The following COPA variants were observed in gnomAD, a reference collection of about 807,000 sequenced individuals.
The protein encoded by COPA is coat protein complex I subunit alpha.
A neutral mutation model predicts 158.7 loss-of-function variants in COPA; 10 were observed. The observed-to-expected ratio is 0.06, with a 90% confidence interval of 0.04 to 0.11. The LOEUF is 0.11. Ranked by LOEUF, COPA falls within the 10% of genes least tolerant of loss-of-function variation. The pLI, the probability that COPA is intolerant of heterozygous loss-of-function variation, is 1.00. For synonymous variants in COPA, 462 were observed against 542.8 expected, an observed-to-expected ratio of 0.85 and a Z score of 2.07; for missense variants, 1,065 against 1,536.7, an observed-to-expected ratio of 0.69 and a Z score of 5.13.
intron 8 of COPA, 41 bp from the exon 9 acceptor site, chr1:160,314,166 A>C (rs1440084481): frequency 1.3e-6 from 2 of 1,581,952 alleles, no homozygotes; most frequent in Non-Finnish European, 8.6e-7. Flanking sequence ...ATTCCCTACT[A>C]CTATAACTTT....
At chr1:160,300,916 C>T (rs1658578493) in intron 17 of COPA, among the ~76,000 whole-genome samples, 1 of 152,092 alleles carries the variant, frequency 6.6e-6, no homozygotes, top group Non-Finnish European at 1.5e-5. Flanking sequence ...GTCAGGAGTT[C>T]AAGACCAACC....
chr1:160,323,799 T>C (rs1482898723), intron 7 of COPA, among the ~76,000 whole-genome samples: 9 of 152,250 alleles, frequency 5.9e-5, no homozygotes, highest in Non-Finnish European at 8.8e-5. Context: ...CTTTGTTTTT[T>C]ACTTGCCTAT....
intron 8 of COPA, among the ~76,000 whole-genome samples, chr1:160,316,090 T>C (rs1310983967): frequency 1.3e-5 from 2 of 152,214 alleles, no homozygotes; most frequent in Non-Finnish European, 2.9e-5. Context: ...CTGGGCATGG[T>C]GGCTCACACC....
Position 160,297,636 on chromosome 1 carries a change from C to G in COPA, c.2087G>C (p.Arg696Pro), listed in dbSNP as rs373887625. 1.2e-6 allele frequency: 2 copies of G among 1,614,126 alleles called. No homozygotes were observed. The highest frequency in any genetic ancestry group is 1.1e-5 in the South Asian group (1 of 91,074). Residue 696 changes from arginine (R) to proline (P), a missense_variant, in exon 20 of 33, where the codon CGT becomes CCT. Arg to Pro is a moderately radical substitution (Grantham distance 103). Coordinates refer to ENST00000241704, the MANE Select transcript of COPA (RefSeq NM_004371.4). ...GGAAAGTTTGTCAAAGTTTTTGGTA[C>G]GCTGATAGCACATTTCCACAATCTG... ...NHQIVEMCYQ[R>P]TKNFDKLSFL...
intron 17 of COPA, among the ~76,000 whole-genome samples, chr1:160,302,549 C>CTTTTTTT (rs35112618): frequency 1.1e-4 from 10 of 91,664 alleles, no homozygotes; most frequent in Non-Finnish European, 1.3e-4. Flanking sequence ...TCACAAGTTA[C>CTTTTTTT]TTTTTTTTTT....
intron 17 of COPA, 40 bp downstream of exon 17, chr1:160,305,393 G>C (rs1237772160): frequency 1.3e-6 from 2 of 1,587,438 alleles, no homozygotes; most frequent in African/African-American, 1.3e-5. Flanking sequence ...ATTTCAGGAA[G>C]CTGTCTTCTC....
intron 8 of COPA, among the ~76,000 whole-genome samples, chr1:160,321,707 G>T (rs1428858501): frequency 2.6e-5 from 4 of 152,156 alleles, no homozygotes; most frequent in African/African-American, 9.7e-5. Flanking sequence ...AGAATCACTT[G>T]AACCTGGGAG....
chr1:160,339,432 C>T (rs1223194931), intron 3 of COPA: 2 of 153,464 alleles, frequency 1.3e-5, no homozygotes, highest in African/African-American at 4.8e-5. Context: ...CTCCTGAGCG[C>T]CACAAACAGG....
At chr1:160,312,938 G>A (rs1436305283) in intron 10 of COPA, 147 bp downstream of exon 10, 1 of 677,654 alleles carries the variant, frequency 1.5e-6, no homozygotes, top group Non-Finnish European at 2.4e-6. Flanking sequence ...AAGAAAAAAA[G>A]GAGAAAAGCT....
intron 1 of COPA, 27 bp downstream of exon 1, chr1:160,343,104 C>T (rs1325196676): frequency 6.2e-7 from 1 of 1,614,000 alleles, no homozygotes; most frequent in East Asian, 2.2e-5. Context: ...ATCCAACCTC[C>T]ATGTTCCCCC....
intron 6 of COPA, among the ~76,000 whole-genome samples, chr1:160,326,420 G>A (rs754938865): frequency 6.6e-6 from 1 of 152,214 alleles, no homozygotes; most frequent in Non-Finnish European, 1.5e-5. Context: ...CCAGCTACTT[G>A]GGAGGCTGAG....
intron 12 of COPA, among the ~76,000 whole-genome samples, 197 bp downstream of exon 12, chr1:160,309,995 T>C (rs1658912552): frequency 6.6e-6 from 1 of 152,186 alleles, no homozygotes; most frequent in East Asian, 1.9e-4. Flanking sequence ...TTAGGAAAGA[T>C]AGGCAGTTCA....
chr1:160,329,048 C>T (rs1053344998), intron 6 of COPA, among the ~76,000 whole-genome samples: 3 of 152,182 alleles, frequency 2.0e-5, no homozygotes, highest in Non-Finnish European at 1.5e-5. Flanking sequence ...TTTAACAGAT[C>T]GGAAAGCTAA....
At chr1:160,311,346 G>T (rs1176856896) in intron 11 of COPA, among the ~76,000 whole-genome samples, 1 of 152,072 alleles carries the variant, frequency 6.6e-6, no homozygotes, top group African/African-American at 2.4e-5. Flanking sequence ...ACTGAGGCAG[G>T]AGAATTGCTT....
chr1:160,327,441 G>A (rs1283523653), intron 6 of COPA, among the ~76,000 whole-genome samples: 1 of 149,524 alleles, frequency 6.7e-6, no homozygotes, highest in Non-Finnish European at 1.5e-5. Flanking sequence ...GGAGGCTGAG[G>A]CAGGGGAATT....
At position 160,333,814 on chromosome 1, in the gene COPA, A is replaced by G. The variant is rs2101873270; in HGVS notation, c.310-135T>C. The G allele has an allele frequency of 2.7e-5, 16 of 603,376 alleles. No individual in the cohort carries two copies. In the South Asian group the frequency reaches 3.8e-4, roughly 14 times the overall value. The allele number at this position is 603,376 out of a possible 1,614,324, so 37.4% of individuals were successfully genotyped here. ...TAGCAAAGGGGCTGCTGCTTTTGCT[A>G]TCAGGTTAGCTGTCTCCTTTTCTCT... On this transcript the variant is annotated intron_variant, in intron 4 of 32. Transcript: ENST00000241704.
At chr1:160,291,680 A>AGG (rs1658237488) in intron 30 of COPA, 139 bp downstream of exon 30, 1 of 1,086,926 alleles carries the variant, frequency 9.2e-7, no homozygotes, top group East Asian at 2.4e-5. Context: ...GAAGAAATGT[A>AGG]TCCTCCCCTC....
intron 10 of COPA, among the ~76,000 whole-genome samples, chr1:160,312,530 CCTA>C (rs1166272518): frequency 6.6e-6 from 1 of 152,250 alleles, no homozygotes; most frequent in Non-Finnish European, 1.5e-5. Flanking sequence ...CTCTTGTTCT[CCTA>C]CTGTCTGCTC....
chr1:160,317,625 T>C, intron 8 of COPA: 2 of 1,545,690 alleles, frequency 1.3e-6, no homozygotes, highest in Non-Finnish European at 1.8e-6. Flanking sequence ...CTGATAATCA[T>C]ACTCCAAAAG....
Sources: gnomAD v4.1 joint callset for allele counts (sites outside exome capture counted in the v4.1 genomes callset) on GRCh38, gnomAD v4.1.1 for gene constraint, MANE v1.5 for transcripts, NCBI Gene and HGNC (gene_info 2026-07-23, HGNC 2026-07-21) for gene names.